Variants in KCNT2 observed in about 807,000 individuals in gnomAD.
KCNT2 encodes potassium sodium-activated channel subfamily T member 2.
In KCNT2, 67 loss-of-function variants were observed where a neutral mutation model predicts 153.8. That is an observed-to-expected ratio of 0.44 (90% CI 0.36 to 0.53). The LOEUF (loss-of-function observed/expected upper bound fraction) is 0.53, where lower values mean the gene tolerates loss of function less well. KCNT2 is among the 20% of genes least tolerant of loss of function. The pLI is 0.00. For synonymous variants in KCNT2, 500 were observed against 458.8 expected (o/e 1.09, Z -1.15); for missense variants, 975 against 1,354.8 (o/e 0.72, Z 4.40).
intron 22 of KCNT2, among the ~76,000 whole-genome samples, chr1:196,303,175 T>C (rs1661343497): frequency 6.6e-6 from 1 of 152,138 alleles, no homozygotes; most frequent in Admixed American, 6.6e-5. Context: ...AAAAGCTGAA[T>C]AAACCTCTAG....
chr1:196,438,871 A>G (rs978071743), intron 8 of KCNT2, among the ~76,000 whole-genome samples: 1 of 151,790 alleles, frequency 6.6e-6, no homozygotes, highest in South Asian at 2.1e-4. Context: ...TAATATTTTG[A>G]AAAAAAATCC....
intron 8 of KCNT2, among the ~76,000 whole-genome samples, chr1:196,445,357 A>G (rs1330527272): frequency 6.6e-6 from 1 of 151,432 alleles, no homozygotes; most frequent in African/African-American, 2.4e-5. Context: ...CTGCCAGATA[A>G]CAAGACCAAA....
intron 25 of KCNT2, among the ~76,000 whole-genome samples, chr1:196,274,465 T>C (rs563071466): frequency 6.6e-6 from 1 of 151,776 alleles, no homozygotes; most frequent in East Asian, 1.9e-4. Flanking sequence ...TAAATGTTGT[T>C]TGAGAGAATA....
chr1:196,482,302 T>C (rs756598429), intron 4 of KCNT2, 29 bp downstream of exon 4: 7 of 1,461,340 alleles, frequency 4.8e-6, no homozygotes, highest in East Asian at 2.4e-5. Context: ...AACCCAGAGA[T>C]ATAGGGATAA....
chr1:196,496,334 G>C (rs960354666), intron 1 of KCNT2, among the ~76,000 whole-genome samples: 5 of 152,046 alleles, frequency 3.3e-5, no homozygotes, highest in African/African-American at 1.2e-4. Context: ...CGGGCATGGT[G>C]GTGGGCACCT....
At chr1:196,597,725 T>C (rs978144567) in intron 1 of KCNT2, among the ~76,000 whole-genome samples, 1 of 152,214 alleles carries the variant, frequency 6.6e-6, no homozygotes, top group Admixed American at 6.5e-5. Context: ...TCATACTATG[T>C]ACCTACATAC....
At chr1:196,333,722 G>A in intron 17 of KCNT2, 125 bp downstream of exon 17, 1 of 645,894 alleles carries the variant, frequency 1.5e-6, no homozygotes, top group South Asian at 1.8e-5. Flanking sequence ...ATATAGGAAT[G>A]ATTCTAGGAT....
At chr1:196,284,012 C>T (rs2147881770) in intron 23 of KCNT2, among the ~76,000 whole-genome samples, 1 of 150,850 alleles carries the variant, frequency 6.6e-6, no homozygotes, top group South Asian at 2.1e-4. Flanking sequence ...TGGCCGATCA[C>T]CTGAGGTCAG....
chr1:196,447,337 G>C (rs978552219), intron 8 of KCNT2, among the ~76,000 whole-genome samples: 32 of 151,588 alleles, frequency 2.1e-4, no homozygotes, highest in African/African-American at 6.5e-4. Context: ...TGACATATAA[G>C]CCAAGACCTA....
chr1:196,386,368 A>T (rs1354345858), intron 13 of KCNT2, among the ~76,000 whole-genome samples: 1 of 152,134 alleles, frequency 6.6e-6, no homozygotes, highest in Non-Finnish European at 1.5e-5. Flanking sequence ...ATAGTTATGC[A>T]GCAATATGTA....
chr1:196,522,306 A>G (rs1191313645), intron 1 of KCNT2, among the ~76,000 whole-genome samples: 1 of 152,210 alleles, frequency 6.6e-6, no homozygotes, highest in Non-Finnish European at 1.5e-5. Flanking sequence ...CCAAATACAA[A>G]CTAGATAGAA....
Position 196,335,601 on chromosome 1 carries a change from G to A in KCNT2, c.1784-1541C>T, listed in dbSNP as rs151059158. ...CCATCATTGACTGAATTTATGCAGC[G>A]CATGACTATTTAAAATTCTACTTTC... On this transcript the variant is annotated intron_variant, in intron 16 of 27. Coordinates refer to ENST00000294725, the MANE Select transcript of KCNT2 (RefSeq NM_198503.5). Among the ~76,000 whole-genome samples, 194 of 152,214 alleles carry A rather than the reference G, an allele frequency of 1.3e-3. 1 individual carries two copies. The highest frequency in any genetic ancestry group is 4.5e-3 in the African/African-American group (186 of 41,566).
chr1:196,315,397 C>A (rs1286993199), intron 21 of KCNT2, among the ~76,000 whole-genome samples: 2 of 151,530 alleles, frequency 1.3e-5, no homozygotes, highest in Non-Finnish European at 3.0e-5. Flanking sequence ...AAATTAAATT[C>A]AATTAATTAA....
At chr1:196,243,401 A>G (rs905199850) in intron 26 of KCNT2, among the ~76,000 whole-genome samples, 3 of 152,202 alleles carry the variant, frequency 2.0e-5, no homozygotes, top group African/African-American at 7.2e-5. Flanking sequence ...GAGCAACTAC[A>G]GCATCTGTTT....
chr1:196,604,891 T>TA (rs2149039760), intron 1 of KCNT2, among the ~76,000 whole-genome samples: 1 of 152,306 alleles, frequency 6.6e-6, no homozygotes, highest in African/African-American at 2.4e-5. Context: ...TATGTGTTTT[T>TA]ACCTACACAA....
intron 3 of KCNT2, among the ~76,000 whole-genome samples, chr1:196,488,122 T>C (rs1247600640): frequency 6.6e-6 from 1 of 151,986 alleles, no homozygotes; most frequent in Non-Finnish European, 1.5e-5. Flanking sequence ...TATTCAGTTT[T>C]CCCATATTAT....
intron 1 of KCNT2, among the ~76,000 whole-genome samples, chr1:196,571,599 C>T (rs1660783416): frequency 6.6e-6 from 1 of 152,126 alleles, no homozygotes; most frequent in Admixed American, 6.6e-5. Flanking sequence ...TATTGTGGAA[C>T]ACTTGTCTAT....
intron 8 of KCNT2, among the ~76,000 whole-genome samples, chr1:196,454,806 T>A (rs1316601391): frequency 1.3e-5 from 2 of 151,948 alleles, no homozygotes; most frequent in Non-Finnish European, 2.9e-5. Flanking sequence ...TTCTCACAAT[T>A]CTAGAGTCCA....
chr1:196,546,150 G>A (rs2148885301), intron 1 of KCNT2, among the ~76,000 whole-genome samples: 1 of 152,138 alleles, frequency 6.6e-6, no homozygotes, highest in East Asian at 1.9e-4. Context: ...TATGAGAGTT[G>A]TAACTTATTC....
Sources: gnomAD v4.1 joint callset for allele counts (sites outside exome capture counted in the v4.1 genomes callset) on GRCh38, gnomAD v4.1.1 for gene constraint, MANE v1.5 for transcripts, NCBI Gene and HGNC (gene_info 2026-07-23, HGNC 2026-07-21) for gene names.